The following RUNX3 variants were observed in gnomAD, a reference collection of about 807,000 sequenced individuals.
The protein encoded by RUNX3 is runt-related transcription factor 3.
A neutral mutation model predicts 27.7 loss-of-function variants in RUNX3; 10 were observed. The ratio of observed to expected loss-of-function variants is 0.36; its 90% CI spans 0.22 to 0.61. The LOEUF (loss-of-function observed/expected upper bound fraction) is 0.61, where lower values mean the gene tolerates loss of function less well. Ranked by LOEUF, RUNX3 falls within the 20% of genes least tolerant of loss-of-function variation. The pLI is 0.72. For synonymous variants in RUNX3, 270 were observed against 269.2 expected, an observed-to-expected ratio of 1.00 and a Z score of -0.03; for missense variants, 469 against 629.5, an observed-to-expected ratio of 0.75 and a Z score of 2.73.
At chr1:24,949,414 A>G (rs946968049) in intron 2 of RUNX3, among the ~76,000 whole-genome samples, 5 of 152,074 alleles carry the variant, frequency 3.3e-5, no homozygotes, top group Non-Finnish European at 5.9e-5. Flanking sequence ...CTCCAGGAGC[A>G]TTTACTGAGC....
upstream of RUNX3, among the ~76,000 whole-genome samples, chr1:24,932,616 G>A (rs558972392): frequency 6.6e-6 from 1 of 152,306 alleles, no homozygotes; most frequent in East Asian, 1.9e-4. Context: ...TAAGATGGAC[G>A]CCTTCTGTCT....
chr1:24,949,317 A>G (rs1034543036), intron 2 of RUNX3, among the ~76,000 whole-genome samples: 1 of 152,158 alleles, frequency 6.6e-6, no homozygotes, highest in South Asian at 2.1e-4. Flanking sequence ...AAGTCTGGCT[A>G]AATGGAAAGT....
rs1239422959 is a variant in RUNX3, at chr1:24,944,612, A to G, written c.59-14760T>C. Reference sequence around the variant, plus strand: ...CCCATATGATCACAAGGATCCTCACACATGGAATAGGGAGGCAGAAAAGGA... The same window carrying G: ...CCCATATGATCACAAGGATCCTCACGCATGGAATAGGGAGGCAGAAAAGGA... On this transcript the variant is annotated intron_variant, in intron 2 of 6. Coordinates refer to the RUNX3 transcript ENST00000338888. Among the ~76,000 whole-genome samples the G allele has an allele frequency of 3.3e-5, 5 of 152,294 alleles. No individual in the cohort carries two copies. The East Asian group carries it at 9.6e-4, about 29-fold the overall frequency.
rs1640682732 is a variant in RUNX3 at position 24,907,270 on chromosome 1, G to A, written c.692C>T (p.Thr231Ile). 1 of 1,610,916 alleles carries A rather than the reference G, an allele frequency of 6.2e-7. No individual in the cohort carries two copies. Among genetic ancestry groups the A allele is most frequent in the Non-Finnish European group, 8.5e-7 (1 of 1,179,998 alleles). ...CCTCCGTGCCGTACCTTGGATTGGG[G>A]TCTGGGGCTGGCTGCTGAAGTGGCT... Reference protein sequence around the residue: ...TTSHFSSQPQTPIQGTSELNP... With the variant: ...TTSHFSSQPQIPIQGTSELNP... Residue 231 changes from threonine (T) to isoleucine (I), a missense_variant, in exon 4 of 5, where the codon ACC (threonine) becomes ATC (isoleucine). Physicochemically the swap from Thr to Ile is moderately conservative, Grantham distance 89. Coordinates refer to ENST00000308873, the MANE Select transcript of RUNX3 (RefSeq NM_004350.3).
intron 3 of RUNX3, among the ~76,000 whole-genome samples, chr1:24,908,233 TGACACGCGGTGATCTGAACCTCTAC>T (rs1557837390): frequency 6.9e-5 from 5 of 72,574 alleles, no homozygotes; most frequent in Admixed American, 1.4e-4. Context: ...TGAACCTCTA[TGACACGCGGTGATCTGAACCTCTAC>T]GACACGCGGT....
intron 2 of RUNX3, among the ~76,000 whole-genome samples, chr1:24,960,503 C>T (rs975554885): frequency 7.9e-5 from 12 of 152,298 alleles, no homozygotes; most frequent in Admixed American, 1.3e-4. Context: ...AACAGATGAA[C>T]GCGTTTGCCC....
Position 24,962,325 on chromosome 1 carries a change from T to G in RUNX3, c.58+2189A>C, listed in dbSNP as rs1167033502. 1 of 152,340 alleles carries G rather than the reference T, an allele frequency of 6.6e-6. No homozygotes were observed. The highest frequency in any genetic ancestry group is 1.5e-5 in the Non-Finnish European group (1 of 68,036). The allele number at this position is 152,340 out of a possible 1,614,324, so 9.4% of individuals were successfully genotyped here. ...TCTTTTCCTTTGTAATCCTTTGGAT[T>G]TTGTCTTACGCGTTTAAAAACGCAA... On this transcript the variant is annotated intron_variant, in intron 2 of 6. Transcript: ENST00000338888. This position sits in a 1 kb window ranked among gnomAD's most constrained non-coding sequence, Gnocchi z 4.5.
At position 24,899,684 on chromosome 1, in the gene RUNX3, C is replaced by T. The variant is rs916823792; in HGVS notation, c.*2438G>A. ...ACCCAGCTCCATCCTCTCGCCAGCT[C>T]TGGGATGGTTTTACATCAGATGAGT... is the stretch of plus-strand genomic sequence containing the variant. On this transcript the variant is annotated 3_prime_UTR_variant, in exon 5 of 5. Coordinates refer to ENST00000308873, the MANE Select transcript of RUNX3 (RefSeq NM_004350.3). 2.6e-5 allele frequency: 4 copies of T among 152,760 alleles called. No homozygotes were observed. The highest frequency in any genetic ancestry group is 9.6e-5 in the African/African-American group (4 of 41,456). The allele number at this position is 152,760 out of a possible 1,614,324, so 9.5% of individuals were successfully genotyped here.
Position 24,930,242 on chromosome 1 carries a change from G to A in RUNX3, c.-374C>T, listed in dbSNP as rs1160122185. 50 of 983,308 alleles carry A rather than the reference G, an allele frequency of 5.1e-5. No individual in the cohort carries two copies. The South Asian group carries it at 2.1e-3, about 41-fold the overall frequency. 60.9% of individuals were successfully genotyped at this position (983,308 alleles called of 1,614,324 possible). On this transcript the variant is annotated 5_prime_UTR_variant, in exon 1 of 5. Transcript: ENST00000308873. The surrounding 1 kb of genome is among the most constrained non-coding windows in gnomAD (Gnocchi z 4.1). ...CCGCGGCCGCCCCGACTCCGCGGCCGCAGCCCCAGAACAAATCCTCCAGAA... is the reference window on the plus strand; with the variant it reads ...CCGCGGCCGCCCCGACTCCGCGGCCACAGCCCCAGAACAAATCCTCCAGAA...
rs1418916854 is a variant in RUNX3 at position 24,904,477 on chromosome 1, C to T, written c.704-1811G>A. ...TCCCTAGTAGGTCACTTGGCTGTCC[C>T]GGCCCCTTGAGGCCGAGAGCCTCCG... On this transcript the variant is annotated intron_variant, in intron 4 of 4. Transcript: ENST00000308873. The surrounding 1 kb of genome is among the most constrained non-coding windows in gnomAD (Gnocchi z 5.7). 6.6e-6 allele frequency among the ~76,000 whole-genome samples: 1 copy of T among 152,172 alleles called. No homozygotes were observed. Among genetic ancestry groups the T allele is most frequent in the Non-Finnish European group, 1.5e-5 (1 of 68,024 alleles).
chr1:24,927,556 G>A lies in RUNX3; in HGVS notation c.439+18C>T, dbSNP rs960550659. 4.3e-6 allele frequency: 7 copies of A among 1,613,306 alleles called. No individual in the cohort carries two copies. The highest frequency in any genetic ancestry group is 5.9e-6 in the Non-Finnish European group (7 of 1,179,534). On this transcript the variant is annotated intron_variant, in intron 2 of 4. Coordinates refer to ENST00000308873, the MANE Select transcript of RUNX3 (RefSeq NM_004350.3). This position sits in a 1 kb window ranked among gnomAD's most constrained non-coding sequence, Gnocchi z 5.0. ...GCCATTGCCAATGCTGAAATGGCGA[G>A]GCCTCCCTTCCACTTACCTCGCCCA...
chr1:24,938,787 C>G (rs768472388), intron 2 of RUNX3, among the ~76,000 whole-genome samples: 1 of 152,096 alleles, frequency 6.6e-6, no homozygotes, highest in Non-Finnish European at 1.5e-5. Flanking sequence ...TCTGTGTCCT[C>G]CGGAGGACAC....
At chr1:24,936,971 G>A (rs972105990) in intron 2 of RUNX3, among the ~76,000 whole-genome samples, 2 of 152,206 alleles carry the variant, frequency 1.3e-5, no homozygotes, top group South Asian at 2.1e-4. Flanking sequence ...AGCCCTTTGC[G>A]GAAATAAATC....
intron 3 of RUNX3, 87 bp from the exon 4 acceptor site, chr1:24,907,504 C>A (rs1307197720): frequency 7.2e-7 from 1 of 1,395,040 alleles, no homozygotes; most frequent in African/African-American, 1.4e-5. Context: ...GAAGTTCTTC[C>A]TGAGGTCTGA....
intron 2 of RUNX3, among the ~76,000 whole-genome samples, chr1:24,942,200 AAGG>A (rs1369106025): frequency 6.6e-6 from 1 of 152,126 alleles, no homozygotes; most frequent in Admixed American, 6.5e-5. Context: ...TGGAAAGGAA[AAGG>A]AGAAGTAAGA....
At chr1:24,953,576 G>T (rs1207997053) in intron 2 of RUNX3, among the ~76,000 whole-genome samples, 1 of 152,164 alleles carries the variant, frequency 6.6e-6, no homozygotes, top group Non-Finnish European at 1.5e-5. Flanking sequence ...GCCCCTGGTG[G>T]CTACTGTGTT....
chr1:24,953,219 G>A (rs1217777573), intron 2 of RUNX3, among the ~76,000 whole-genome samples: 1 of 151,896 alleles, frequency 6.6e-6, no homozygotes, highest in African/African-American at 2.4e-5. Flanking sequence ...ACAAAAATTA[G>A]CCAGGCGTAG....
intron 2 of RUNX3, among the ~76,000 whole-genome samples, chr1:24,939,823 A>G (rs987483282): frequency 2.0e-5 from 3 of 152,222 alleles, no homozygotes; most frequent in African/African-American, 7.2e-5. Context: ...GGAGGGTTGC[A>G]GCTAGGGTGC....
intron 4 of RUNX3, among the ~76,000 whole-genome samples, chr1:24,906,476 A>T (rs1640666463): frequency 6.6e-6 from 1 of 152,252 alleles, no homozygotes; most frequent in Non-Finnish European, 1.5e-5. Context: ...CCGGCTGTGC[A>T]CACAGCCTCC....
Sources: allele counts gnomAD v4.1 joint callset (sites outside exome capture counted in the v4.1 genomes callset), GRCh38; gene constraint gnomAD v4.1.1; non-coding constraint Gnocchi (gnomAD v3.1); transcripts MANE v1.5; gene names NCBI Gene and HGNC (gene_info 2026-07-23, HGNC 2026-07-21).